The following BDH2 variants were observed in gnomAD, a reference collection of about 807,000 sequenced individuals.
BDH2 encodes the protein dehydrogenase/reductase SDR family member 6.
In BDH2, 24 loss-of-function variants were observed where a neutral mutation model predicts 33.2. That is an observed-to-expected ratio of 0.72 (90% confidence interval 0.52 to 1.02). The LOEUF (loss-of-function observed/expected upper bound fraction) is 1.02, where lower values mean the gene tolerates loss of function less well. Among genes scored for constraint, BDH2 ranks in the 50% least tolerant of loss-of-function variants. The pLI, the probability that BDH2 is intolerant of heterozygous loss-of-function variation, is 0.00. For synonymous variants in BDH2, 81 were observed against 101.6 expected, an observed-to-expected ratio of 0.80 and a Z score of 1.22; for missense variants, 249 against 301.6, an observed-to-expected ratio of 0.83 and a Z score of 1.29.
rs1748394622 is a variant in BDH2, at chr4:103,096,199, C to G, written c.56G>C (p.Gly19Ala). The change falls in exon 2 of 10, where the codon GGC becomes GCC. Residue 19 changes from glycine (G) to alanine (A), a missense_variant. Gly to Ala is a moderately conservative substitution (Grantham distance 60). Coordinates refer to ENST00000296424, the MANE Select transcript of BDH2 (RefSeq NM_020139.4). Reference sequence around the variant, plus strand: ...ATAACTTACTAAGGCAGCTGCTTGGCCAATCCCCTGAGCAGCGGCCGTCAG... The same window carrying G: ...ATAACTTACTAAGGCAGCTGCTTGGGCAATCCCCTGAGCAGCGGCCGTCAG... Reference protein sequence around the residue: ...IILTAAAQGIGQAAALAFARE... With the variant: ...IILTAAAQGIAQAAALAFARE... 6.2e-7 allele frequency: 1 copy of G among 1,612,788 alleles called. No individual in the cohort carries two copies. The highest frequency in any genetic ancestry group is 1.3e-5 in the African/African-American group (1 of 74,930).
intron 1 of BDH2, among the ~76,000 whole-genome samples, chr4:103,096,478 CAA>C (rs1291319383): frequency 2.7e-5 from 4 of 150,942 alleles, no homozygotes; most frequent in Non-Finnish European, 5.9e-5. Flanking sequence ...CTTTGTATAT[CAA>C]ACACATTTAC....
rs764886545 is a variant in BDH2 at position 103,095,241 on chromosome 4, A to T, written c.113T>A (p.Ile38Asn). ...REGAKVIATDINESKLQELEK... is the reference protein window; with the variant it reads ...REGAKVIATDNNESKLQELEK... ...CAGTTCCTGAAGTTTGGACTCATTA[A>T]TGTCTGTGGCTATGACTTTGGCACC... The change falls in exon 3 of 10, where the codon ATT becomes AAT. Residue 38 changes from isoleucine to asparagine, a missense_variant. Ile to Asn is a moderately radical substitution (Grantham distance 149, BLOSUM62 -3). Coordinates refer to ENST00000296424, the MANE Select transcript of BDH2 (RefSeq NM_020139.4). 8 of 1,613,888 alleles carry T rather than the reference A, an allele frequency of 5.0e-6. No individual in the cohort carries two copies. In the East Asian group the frequency reaches 6.7e-5, roughly 13 times the overall value.
intron 1 of BDH2, chr4:103,098,734 A>G (rs945719273): frequency 3.3e-5 from 5 of 152,246 alleles, no homozygotes; most frequent in African/African-American, 1.2e-4. Context: ...GTGGACTTGC[A>G]TCGAGGTCTG....
At chr4:103,081,054 G>A (rs78008131) in intron 9 of BDH2, among the ~76,000 whole-genome samples, 2,716 of 152,234 alleles carry the variant, frequency 0.018, 48 homozygotes, top group Non-Finnish European at 0.029. Flanking sequence ...CCTCGCTCCC[G>A]CCTAGTCCCC....
chr4:103,087,669 A>T (rs972812647), intron 5 of BDH2, among the ~76,000 whole-genome samples: 3 of 152,322 alleles, frequency 2.0e-5, no homozygotes, highest in East Asian at 1.9e-4. Flanking sequence ...AATGTTGATG[A>T]ATCAGAATCT....
intron 9 of BDH2, among the ~76,000 whole-genome samples, chr4:103,080,296 C>T (rs1054124131): frequency 5.9e-5 from 9 of 151,650 alleles, no homozygotes; most frequent in African/African-American, 7.3e-5. Flanking sequence ...AACTATAATC[C>T]ATTAAGCTAT....
At chr4:103,088,493 CCCTAGTCAGTA>C (rs11275699) in intron 5 of BDH2, among the ~76,000 whole-genome samples, 32,813 of 151,946 alleles carry the variant, frequency 0.22, 3,745 homozygotes, top group Middle Eastern at 0.31. Context: ...CTTCTAGAGC[CCCTAGTCAGTA>C]CCTGTTCCCA....
intron 8 of BDH2, 138 bp downstream of exon 8, chr4:103,082,733 T>C: frequency 1.3e-6 from 1 of 740,792 alleles, no homozygotes; most frequent in Non-Finnish European, 2.3e-6. Context: ...TCATTAAGCA[T>C]TAACTACTCT....
chr4:103,081,852 A>G (rs1166866089), intron 9 of BDH2, among the ~76,000 whole-genome samples: 1 of 152,192 alleles, frequency 6.6e-6, no homozygotes, highest in Non-Finnish European at 1.5e-5. Flanking sequence ...TTAGTCCTCC[A>G]TTTTGTTTGC....
intron 1 of BDH2, chr4:103,099,121 C>T (rs1427706787): frequency 6.6e-6 from 1 of 152,096 alleles, no homozygotes; most frequent in Non-Finnish European, 1.5e-5. Flanking sequence ...AAGCATGGTG[C>T]ACAAAAGCTA....
intron 8 of BDH2, among the ~76,000 whole-genome samples, chr4:103,082,422 AGTT>A (rs1747568626): frequency 6.6e-6 from 1 of 152,214 alleles, no homozygotes; most frequent in African/African-American, 2.4e-5. Context: ...CATCTTCAAA[AGTT>A]GTGGTAAAGT....
intron 9 of BDH2, among the ~76,000 whole-genome samples, chr4:103,080,436 G>T (rs1483585068): frequency 6.6e-6 from 1 of 152,088 alleles, no homozygotes; most frequent in Non-Finnish European, 1.5e-5. Flanking sequence ...TTTGGTAGAA[G>T]TTTAAAAATC....
At chr4:103,091,752 A>G (rs1748106057) in intron 4 of BDH2, 1 of 455,958 alleles carries the variant, frequency 2.2e-6, no homozygotes, top group Non-Finnish European at 4.4e-6. Context: ...TTCAGAAAAA[A>G]AAAAGAGAGA....
chr4:103,092,617 A>C lies in BDH2; in HGVS notation c.231T>G (p.Val77=), dbSNP rs1238549580. ...TGAATTACCCAGCAACATTAAAGAG[A>C]ACATCAAGTCTCTCAACTTCATTGG... ...QFANEVERLD[V]LFNVAGFVHH... Residue 77 remains valine, a synonymous_variant, in exon 4 of 10, where the codon GTT becomes GTG. Transcript: ENST00000296424. 6.2e-7 allele frequency: 1 copy of C among 1,609,968 alleles called. No homozygotes were observed. Among genetic ancestry groups the C allele is most frequent in the South Asian group, 1.1e-5 (1 of 90,952 alleles).
chr4:103,091,423 T>C (rs997741042), intron 4 of BDH2, 138 bp from the exon 5 acceptor site: 2 of 588,796 alleles, frequency 3.4e-6, no homozygotes, highest in Non-Finnish European at 3.1e-6. Context: ...ATTCATAGTA[T>C]CACTTAGTAT....
intron 5 of BDH2, among the ~76,000 whole-genome samples, chr4:103,087,387 A>G (rs1747845943): frequency 1.3e-5 from 2 of 152,242 alleles, no homozygotes; most frequent in South Asian, 2.1e-4. Flanking sequence ...TGTGGTGCCC[A>G]GAGACTAGTG....
intron 4 of BDH2, chr4:103,092,257 C>A: frequency 4.1e-6 from 1 of 241,186 alleles, no homozygotes; most frequent in Non-Finnish European, 8.1e-6. Context: ...TTTCATGTTT[C>A]TGGGTGTATT....
Position 103,079,647 on chromosome 4 carries a change from G to C in BDH2, c.*55C>G. The C allele has an allele frequency of 6.5e-7, 1 of 1,543,622 alleles. No homozygotes were observed. The highest frequency in any genetic ancestry group is 8.9e-7 in the Non-Finnish European group (1 of 1,117,638). On this transcript the variant is annotated 3_prime_UTR_variant, in exon 10 of 10. Transcript: ENST00000296424. Reference sequence around the variant, plus strand: ...GATTGGTGAGTTTTCTTCGTAACCAGGTTCACTGTGGATAGGAAGGGCCTG... The same window carrying C: ...GATTGGTGAGTTTTCTTCGTAACCACGTTCACTGTGGATAGGAAGGGCCTG...
Position 103,094,108 on chromosome 4 carries a change from A to G in BDH2, c.151+1095T>C, listed in dbSNP as rs1748244822. Among the ~76,000 whole-genome samples the G allele has an allele frequency of 2.0e-5, 3 of 152,140 alleles. No homozygotes were observed. The South Asian group carries it at 6.2e-4, about 32-fold the overall frequency. On this transcript the variant is annotated intron_variant, in intron 3 of 9. Coordinates refer to ENST00000296424, the MANE Select transcript of BDH2 (RefSeq NM_020139.4). ...GTTGGAGTTTGGTTCAGTGGGGTGAAGAAGTGGTGGTACACACCTAATAAT... is the reference window on the plus strand; with the variant it reads ...GTTGGAGTTTGGTTCAGTGGGGTGAGGAAGTGGTGGTACACACCTAATAAT...
Sources: gnomAD v4.1 joint callset for allele counts (sites outside exome capture counted in the v4.1 genomes callset) on GRCh38, gnomAD v4.1.1 for gene constraint, MANE v1.5 for transcripts, NCBI Gene and HGNC (gene_info 2026-07-23, HGNC 2026-07-21) for gene names.